The following C5orf63 variants were observed in gnomAD, a reference collection of about 807,000 sequenced individuals.
C5orf63 encodes the protein glutaredoxin-like protein C5orf63.
C5orf63 carries 18 observed loss-of-function variants against 13.3 expected under a neutral mutation model. The ratio of observed to expected loss-of-function variants is 1.36; its 90% CI spans 0.94 to 2.01. C5orf63 has a LOEUF of 2.01. Ranked by LOEUF, C5orf63 falls within the 30% of genes most tolerant of loss-of-function variation. The pLI is 0.00. For missense variants in C5orf63, 118 were observed against 127.7 expected, an observed-to-expected ratio of 0.92 and a Z score of 0.36; for synonymous variants, 38 against 44.7, an observed-to-expected ratio of 0.85 and a Z score of 0.60.
At chr5:127,054,169 GT>G (rs957075280) in intron 3 of C5orf63, among the ~76,000 whole-genome samples, 34 of 152,004 alleles carry the variant, frequency 2.2e-4, no homozygotes, top group African/African-American at 7.7e-4. Context: ...TGGGTTTTTT[GT>G]TTTGTTTTTT....
In C5orf63 at chr5:127,057,329, A is replaced by G. The variant is rs547637569; in HGVS notation, c.114+1553T>C. Among the ~76,000 whole-genome samples the G allele has an allele frequency of 2.6e-5, 4 of 152,330 alleles. No homozygotes were observed. In the East Asian group the frequency reaches 7.7e-4, roughly 29 times the overall value. On this transcript the variant is annotated intron_variant, in intron 3 of 4. Transcript: ENST00000296662. ...GAAATCTCAAAAACCTATTGAAAAG[A>G]GATCTTTTTTGTTTGAATTGCAGTA...
chr5:127,064,761 A>G (rs866735410), intron 2 of C5orf63, among the ~76,000 whole-genome samples: 8 of 152,236 alleles, frequency 5.3e-5, no homozygotes, highest in African/African-American at 1.4e-4. Context: ...TATTACCATG[A>G]CAATTTCTAA....
At chr5:127,061,025 G>A (rs954348303) in intron 2 of C5orf63, among the ~76,000 whole-genome samples, 5 of 152,242 alleles carry the variant, frequency 3.3e-5, no homozygotes, top group African/African-American at 1.2e-4. Flanking sequence ...ATTGAAGTGA[G>A]CTTTTCTCAC....
chr5:127,048,707 G>A (rs1246781035), downstream of C5orf63, among the ~76,000 whole-genome samples: 1 of 152,086 alleles, frequency 6.6e-6, no homozygotes, highest in Non-Finnish European at 1.5e-5. Flanking sequence ...TCAGAAATTT[G>A]TTGCTGAAAT....
chr5:127,051,426 C>A lies in C5orf63; in HGVS notation c.*345G>T. 2 of 1,232,986 alleles carry A rather than the reference C, an allele frequency of 1.6e-6. No homozygotes were observed. The highest frequency in any genetic ancestry group is 1.0e-6 in the Non-Finnish European group (1 of 988,690). The allele number at this position is 1,232,986 out of a possible 1,614,324, so 76.4% of individuals were successfully genotyped here. On this transcript the variant is annotated 3_prime_UTR_variant, in exon 5 of 5. Coordinates refer to ENST00000296662, the MANE Select transcript of C5orf63 (RefSeq NM_001164478.2). ...AAAGTTAAGCCCTCCGGGGCAGCAG[C>A]AGGAATGCAGAACCTTCTTCCTATA...
At chr5:127,045,017 T>C (rs558006521), downstream of C5orf63, 3 of 152,280 alleles carry the variant, frequency 2.0e-5, no homozygotes, top group South Asian at 2.1e-4. Context: ...TGTCGTTTCT[T>C]AGTGGGTCAA....
chr5:127,048,538 T>TA (rs1220619871), downstream of C5orf63, among the ~76,000 whole-genome samples: 1 of 151,992 alleles, frequency 6.6e-6, no homozygotes, highest in Non-Finnish European at 1.5e-5. Context: ...ATCTTATTTT[T>TA]AAAAAACTCC....
At chr5:127,064,938 T>G (rs1042390982) in intron 2 of C5orf63, among the ~76,000 whole-genome samples, 2 of 152,194 alleles carry the variant, frequency 1.3e-5, no homozygotes, top group African/African-American at 4.8e-5. Flanking sequence ...CTTCACTTAG[T>G]AGATGCACAT....
At chr5:127,065,541 G>A (rs1362524406) in intron 2 of C5orf63, among the ~76,000 whole-genome samples, 1 of 152,152 alleles carries the variant, frequency 6.6e-6, no homozygotes, top group African/African-American at 2.4e-5. Context: ...TCTGATGGGG[G>A]AAACCTTGAA....
intron 3 of C5orf63, among the ~76,000 whole-genome samples, 157 bp from the exon 4 acceptor site, chr5:127,052,826 C>T (rs762805900): frequency 4.6e-5 from 7 of 152,206 alleles, no homozygotes; most frequent in Non-Finnish European, 7.3e-5. Context: ...CAAAGTAAAA[C>T]ACTACCATAG....
chr5:127,065,503 G>A (rs966489979), intron 2 of C5orf63, among the ~76,000 whole-genome samples: 1 of 152,140 alleles, frequency 6.6e-6, no homozygotes, highest in African/African-American at 2.4e-5. Context: ...TAGACACAAA[G>A]GTAATGGAGG....
At chr5:127,053,824 A>G (rs1753779254) in intron 3 of C5orf63, among the ~76,000 whole-genome samples, 1 of 152,154 alleles carries the variant, frequency 6.6e-6, no homozygotes, top group Non-Finnish European at 1.5e-5. Context: ...TTCTTAATCC[A>G]GTCTATCACT....
intron 1 of C5orf63, chr5:127,072,956 AG>A (rs2126907406): frequency 6.6e-6 from 1 of 152,374 alleles, no homozygotes; most frequent in South Asian, 2.1e-4. Context: ...TCATCCAGAG[AG>A]CCCCGGCACT....
intron 1 of C5orf63, chr5:127,072,128 A>C (rs2126906155): frequency 6.6e-6 from 1 of 152,314 alleles, no homozygotes; most frequent in South Asian, 2.1e-4. Flanking sequence ...CAATCTGAGG[A>C]TCCTGCCTGT....
At chr5:127,070,551 G>A (rs1736388272) in intron 2 of C5orf63, among the ~76,000 whole-genome samples, 1 of 152,188 alleles carries the variant, frequency 6.6e-6, no homozygotes, top group Non-Finnish European at 1.5e-5. Flanking sequence ...TGTTAGTAAA[G>A]TAGAAAAGAC....
chr5:127,044,466 C>T (rs1398215947), downstream of C5orf63: 1 of 152,094 alleles, frequency 6.6e-6, no homozygotes, highest in Non-Finnish European at 1.5e-5. Context: ...ATGTCAGTGC[C>T]TAAGCTGAAG....
chr5:127,048,865 G>T (rs1331213406), downstream of C5orf63, among the ~76,000 whole-genome samples: 1 of 152,298 alleles, frequency 6.6e-6, no homozygotes, highest in South Asian at 2.1e-4. Flanking sequence ...CTCCATCTTA[G>T]TTGAGCAGAC....
At chr5:127,047,740 C>G, downstream of C5orf63, 1 of 703,974 alleles carries the variant, frequency 1.4e-6, no homozygotes, top group Non-Finnish European at 2.6e-6. Flanking sequence ...GAATGCCCCA[C>G]AGTCACTTGA....
At chr5:127,048,776 G>A (rs568652341), downstream of C5orf63, among the ~76,000 whole-genome samples, 129 of 152,220 alleles carry the variant, frequency 8.5e-4, no homozygotes, top group African/African-American at 3.0e-3. Context: ...GTTATACTCA[G>A]GTAAGAAGTG....
Sources: gnomAD v4.1 joint callset for allele counts (sites outside exome capture counted in the v4.1 genomes callset) on GRCh38, gnomAD v4.1.1 for gene constraint, MANE v1.5 for transcripts, NCBI Gene and HGNC (gene_info 2026-07-23, HGNC 2026-07-21) for gene names.